The following SORCS3 variants were observed in gnomAD, a reference collection of about 807,000 sequenced individuals.
The protein encoded by SORCS3 is sortilin related VPS10 domain containing receptor 3.
A neutral mutation model predicts 146.3 loss-of-function variants in SORCS3; 57 were observed. The observed-to-expected ratio is 0.39, with a 90% CI of 0.31 to 0.49. The LOEUF is 0.49. Among genes scored for constraint, SORCS3 ranks in the 20% least tolerant of loss-of-function variants. The pLI is 0.92. For missense variants in SORCS3, 1,341 were observed against 1,575.5 expected, an observed-to-expected ratio of 0.85 and a Z score of 2.52; for synonymous variants, 653 against 618.5, an observed-to-expected ratio of 1.06 and a Z score of -0.83.
At chr10:104,851,810 G>A (rs533070465) in intron 2 of SORCS3, among the ~76,000 whole-genome samples, 83 of 152,172 alleles carry the variant, frequency 5.5e-4, no homozygotes, top group African/African-American at 1.6e-3. Context: ...CTTTCTCATC[G>A]TTTGGTGGCC....
chr10:105,246,204 C>G (rs777533267), intron 21 of SORCS3, among the ~76,000 whole-genome samples: 2 of 152,184 alleles, frequency 1.3e-5, no homozygotes, highest in Non-Finnish European at 2.9e-5. Flanking sequence ...ATCCTGTTCT[C>G]AACCCTGGAG....
At chr10:104,695,789 CT>C (rs1176521867) in intron 1 of SORCS3, among the ~76,000 whole-genome samples, 3 of 151,358 alleles carry the variant, frequency 2.0e-5, no homozygotes, top group Non-Finnish European at 4.4e-5. Flanking sequence ...CGACTTCATC[CT>C]TTTTAATATT....
chr10:105,218,078 C>A (rs1242954519), intron 19 of SORCS3, among the ~76,000 whole-genome samples: 1 of 152,158 alleles, frequency 6.6e-6, no homozygotes, highest in Non-Finnish European at 1.5e-5. Context: ...GTATAAACAA[C>A]CTACACCTTA....
chr10:105,004,573 C>T (rs73335942), intron 4 of SORCS3, among the ~76,000 whole-genome samples: 11,439 of 152,164 alleles, frequency 0.075, 504 homozygotes, highest in African/African-American at 0.11. Flanking sequence ...CCTCTCCTCT[C>T]CTCTTCTTAA....
At chr10:104,682,652 G>A (rs1248110140) in intron 1 of SORCS3, among the ~76,000 whole-genome samples, 1 of 152,180 alleles carries the variant, frequency 6.6e-6, no homozygotes, top group Non-Finnish European at 1.5e-5. Context: ...GGCTGCTCTG[G>A]AAGAGGTTGG....
rs78398792 is a variant in SORCS3 at position 104,866,672 on chromosome 10, G to A, written c.695+23813G>A. ...AATTTGGACATTCATTGAAATTTAA[G>A]TGTCTCTTATTTGTAAATCATTCAT... On this transcript the variant is annotated intron_variant, in intron 2 of 26. Transcript: ENST00000369701. Among the ~76,000 whole-genome samples the A allele has an allele frequency of 3.5e-4, 53 of 152,308 alleles. No individual in the cohort carries two copies. The East Asian group carries it at 7.7e-3, about 22-fold the overall frequency.
At chr10:105,164,450 A>C in intron 12 of SORCS3, 71 bp downstream of exon 12, 4 of 1,056,300 alleles carry the variant, frequency 3.8e-6, no homozygotes, top group Non-Finnish European at 4.4e-6. Context: ...TCTCCATCCT[A>C]TAGATTCTCA....
At chr10:105,195,210 G>C (rs1270863928) in intron 14 of SORCS3, among the ~76,000 whole-genome samples, 1 of 152,182 alleles carries the variant, frequency 6.6e-6, no homozygotes, top group Non-Finnish European at 1.5e-5. Flanking sequence ...GAAGTGTGCT[G>C]TACCTATTTT....
At chr10:104,943,046 T>G (rs1283876140) in intron 3 of SORCS3, among the ~76,000 whole-genome samples, 1 of 152,186 alleles carries the variant, frequency 6.6e-6, no homozygotes, top group Non-Finnish European at 1.5e-5. Context: ...CCCTTAGAAT[T>G]AATAAGTGAA....
intron 2 of SORCS3, among the ~76,000 whole-genome samples, chr10:104,909,998 T>C (rs143362740): frequency 6.6e-6 from 1 of 152,254 alleles, no homozygotes; most frequent in East Asian, 1.9e-4. Context: ...CCTCCCACAA[T>C]GTACCAGTCC....
At chr10:105,172,673 C>T (rs1327293516) in intron 13 of SORCS3, among the ~76,000 whole-genome samples, 4 of 152,122 alleles carry the variant, frequency 2.6e-5, no homozygotes, top group African/African-American at 9.7e-5. Context: ...ATTCATATAA[C>T]CTGTTTCTAG....
intron 1 of SORCS3, among the ~76,000 whole-genome samples, chr10:104,645,348 A>G (rs553051437): frequency 6.2e-4 from 95 of 152,306 alleles, no homozygotes; most frequent in Non-Finnish European, 8.4e-4. Flanking sequence ...TTTTCCTTCA[A>G]ATGAAAGAAG....
chr10:104,819,194 A>T (rs1425478547), intron 1 of SORCS3, among the ~76,000 whole-genome samples: 2 of 152,164 alleles, frequency 1.3e-5, no homozygotes, highest in Non-Finnish European at 2.9e-5. Context: ...ATTCACCTGG[A>T]TAGCCTATAA....
At chr10:105,113,472 CT>C (rs1373226618) in intron 7 of SORCS3, among the ~76,000 whole-genome samples, 2 of 152,170 alleles carry the variant, frequency 1.3e-5, no homozygotes, top group African/African-American at 4.8e-5. Flanking sequence ...ATTTTACCCT[CT>C]CCTGGTTGCC....
intron 1 of SORCS3, among the ~76,000 whole-genome samples, chr10:104,700,417 G>A (rs1055293155): frequency 2.1e-5 from 3 of 143,812 alleles, no homozygotes; most frequent in East Asian, 1.9e-4. Context: ...GATGGGAAAC[G>A]TGTGTTCTGG....
intron 8 of SORCS3, among the ~76,000 whole-genome samples, chr10:105,145,556 C>A (rs1395991726): frequency 6.6e-6 from 1 of 152,058 alleles, no homozygotes; most frequent in Non-Finnish European, 1.5e-5. Context: ...CTGGGAAAAA[C>A]CAGGCATTTC....
At chr10:105,139,745 G>C (rs930457903) in intron 8 of SORCS3, among the ~76,000 whole-genome samples, 1 of 152,092 alleles carries the variant, frequency 6.6e-6, no homozygotes, top group African/African-American at 2.4e-5. Context: ...TTTCCCAGGG[G>C]CAGTAATGAA....
Position 105,262,322 on chromosome 10 carries a change from C to A in SORCS3, c.3444-9C>A, listed in dbSNP as rs370887965. On this transcript the variant is annotated splice_polypyrimidine_tract_variant and intron_variant, in intron 25 of 26. Coordinates refer to ENST00000369701, the MANE Select transcript of SORCS3 (RefSeq NM_014978.3). ...GATCTTAACCTGATTTTGCTCCTGT[C>A]CCATGTAGGAAAATCCCTTGGATTA... is the stretch of plus-strand genomic sequence containing the variant. The A allele has an allele frequency of 1.2e-6, 2 of 1,611,436 alleles. No individual in the cohort carries two copies. The highest frequency in any genetic ancestry group is 3.3e-5 in the Admixed American group (2 of 59,984).
chr10:105,094,962 A>T (rs903597900), intron 6 of SORCS3, among the ~76,000 whole-genome samples: 2 of 152,228 alleles, frequency 1.3e-5, no homozygotes, highest in African/African-American at 2.4e-5. Flanking sequence ...GCCACAGTTC[A>T]TGCTGCACAC....
Sources: allele counts gnomAD v4.1 joint callset (sites outside exome capture counted in the v4.1 genomes callset), GRCh38; gene constraint gnomAD v4.1.1; transcripts MANE v1.5; gene names NCBI Gene and HGNC (gene_info 2026-07-23, HGNC 2026-07-21).